Variants in PREX2 observed in about 807,000 individuals in gnomAD.
PREX2 encodes phosphatidylinositol-3,4,5-trisphosphate dependent Rac exchange factor 2, also known as phosphatidylinositol 3,4,5-trisphosphate-dependent Rac exchanger 2 protein.
In PREX2, 107 loss-of-function variants were observed where a neutral mutation model predicts 203.2. The ratio of observed to expected loss-of-function variants is 0.53; its 90% CI spans 0.45 to 0.62. PREX2 has a LOEUF of 0.62. Among genes scored for constraint, PREX2 ranks in the 20% least tolerant of loss-of-function variants. The pLI is 0.00. For synonymous variants in PREX2, 672 were observed against 663.6 expected (o/e 1.01, Z -0.19); for missense variants, 1,777 against 1,955.9 (o/e 0.91, Z 1.72).
intron 1 of PREX2, among the ~76,000 whole-genome samples, chr8:67,970,139 G>T (rs191213741): frequency 1.4e-4 from 21 of 152,194 alleles, no homozygotes; most frequent in Non-Finnish European, 2.4e-4. Flanking sequence ...AAGTTGTTTT[G>T]TTTATTGACC....
chr8:68,195,079 T>A (rs1242586513), intron 37 of PREX2, among the ~76,000 whole-genome samples: 1 of 152,164 alleles, frequency 6.6e-6, no homozygotes, highest in Non-Finnish European at 1.5e-5. Context: ...TACTCTTAAC[T>A]CCACATTAAT....
chr8:68,018,593 C>T (rs894033199), intron 2 of PREX2, among the ~76,000 whole-genome samples: 8 of 152,050 alleles, frequency 5.3e-5, no homozygotes, highest in East Asian at 3.9e-4. Context: ...TGTGGGCAAA[C>T]GTGACTTCCA....
intron 11 of PREX2, among the ~76,000 whole-genome samples, chr8:68,063,295 G>T (rs1443642293): frequency 6.6e-6 from 1 of 152,138 alleles, no homozygotes; most frequent in African/African-American, 2.4e-5. Context: ...TTTTTCGTGG[G>T]TGTGCATACA....
In PREX2 at chr8:68,109,699, A is replaced by G. The variant is rs564263207; in HGVS notation, c.3146+76A>G. 32 of 1,209,086 alleles carry G rather than the reference A, an allele frequency of 2.6e-5. 1 individual carries two copies. In the African/African-American group the frequency reaches 4.4e-4, roughly 16 times the overall value. 74.9% of individuals were successfully genotyped at this position (1,209,086 alleles called of 1,614,324 possible). ...AAATGTGGCTTAGAAAAATTCAATC[A>G]TTCTCTCTTTAGTTATTGGAAATTT... On this transcript the variant is annotated intron_variant, in intron 25 of 39. Coordinates refer to ENST00000288368, the MANE Select transcript of PREX2 (RefSeq NM_024870.4).
At chr8:68,113,420 G>A (rs1810575102) in intron 25 of PREX2, among the ~76,000 whole-genome samples, 1 of 152,182 alleles carries the variant, frequency 6.6e-6, no homozygotes, top group Non-Finnish European at 1.5e-5. Flanking sequence ...TGTGCAGCAT[G>A]GAGCTTGGAT....
At chr8:68,056,021 G>A (rs1808668522) in intron 10 of PREX2, 47 bp downstream of exon 10, 3 of 1,538,314 alleles carry the variant, frequency 2.0e-6, no homozygotes, top group Non-Finnish European at 2.6e-6. Flanking sequence ...CATTCTCATT[G>A]TCTCACCTGT....
chr8:67,966,904 T>A (rs537233125), intron 1 of PREX2, among the ~76,000 whole-genome samples: 20 of 152,318 alleles, frequency 1.3e-4, no homozygotes, highest in African/African-American at 4.3e-4. Flanking sequence ...TACAAATTCC[T>A]GCTTTCATGG....
intron 1 of PREX2, among the ~76,000 whole-genome samples, chr8:67,983,578 A>G (rs772291367): frequency 2.0e-5 from 3 of 152,238 alleles, no homozygotes; most frequent in Non-Finnish European, 4.4e-5. Context: ...AGTTCCAAGC[A>G]GTTAAGCTGC....
intron 35 of PREX2, among the ~76,000 whole-genome samples, chr8:68,159,474 A>G (rs956154510): frequency 6.6e-6 from 1 of 152,296 alleles, no homozygotes; most frequent in Non-Finnish European, 1.5e-5. Flanking sequence ...AGGCCAGCCA[A>G]TCCAAGGATT....
intron 22 of PREX2, among the ~76,000 whole-genome samples, chr8:68,099,094 A>C (rs1181063994): frequency 6.6e-6 from 1 of 151,634 alleles, no homozygotes; most frequent in Admixed American, 6.6e-5. Flanking sequence ...CTAATTGAAA[A>C]CATCACATAA....
chr8:68,039,085 T>A (rs1436145291), intron 7 of PREX2, among the ~76,000 whole-genome samples: 1 of 152,216 alleles, frequency 6.6e-6, no homozygotes, highest in African/African-American at 2.4e-5. Flanking sequence ...GTCGAAGATC[T>A]CTTATCTCAA....
At chr8:68,196,934 G>A (rs980707432) in intron 37 of PREX2, among the ~76,000 whole-genome samples, 4 of 151,912 alleles carry the variant, frequency 2.6e-5, no homozygotes, top group African/African-American at 7.3e-5. Flanking sequence ...GTGCAAGAAC[G>A]GACTAACACA....
chr8:68,216,897 G>C (rs1812851076), intron 37 of PREX2, among the ~76,000 whole-genome samples: 1 of 151,492 alleles, frequency 6.6e-6, no homozygotes, highest in East Asian at 1.9e-4. Context: ...GGGAGGCAGA[G>C]GTTGCAGTGA....
intron 29 of PREX2, 115 bp downstream of exon 29, chr8:68,120,401 A>G (rs925057544): frequency 2.5e-5 from 17 of 688,584 alleles, no homozygotes; most frequent in South Asian, 7.1e-5. Flanking sequence ...CTCATGTTTC[A>G]TAATTCACCA....
intron 14 of PREX2, among the ~76,000 whole-genome samples, chr8:68,072,898 T>TAA (rs1442887687): frequency 3.3e-5 from 5 of 152,158 alleles, no homozygotes; most frequent in Non-Finnish European, 5.9e-5. Flanking sequence ...CACTTTGTTT[T>TAA]AAAGTATCTG....
intron 1 of PREX2, among the ~76,000 whole-genome samples, chr8:67,991,215 C>T (rs1448229971): frequency 6.6e-6 from 1 of 152,136 alleles, no homozygotes; most frequent in East Asian, 1.9e-4. Context: ...AAAGAATACA[C>T]CCAAGCTCAT....
intron 7 of PREX2, among the ~76,000 whole-genome samples, chr8:68,042,583 G>A (rs184445824): frequency 1.6e-4 from 24 of 152,102 alleles, no homozygotes; most frequent in Admixed American, 1.6e-3. Context: ...GGGTTGTCCT[G>A]AATTTTTCTA....
intron 3 of PREX2, among the ~76,000 whole-genome samples, chr8:68,020,639 G>A (rs1029585779): frequency 2.6e-5 from 4 of 152,132 alleles, no homozygotes. Context: ...AGTCTCATTG[G>A]GTATAGGAAG....
intron 35 of PREX2, among the ~76,000 whole-genome samples, chr8:68,175,043 G>C (rs141186839): frequency 6.6e-6 from 1 of 152,190 alleles, no homozygotes; most frequent in Non-Finnish European, 1.5e-5. Context: ...AAACCAACAG[G>C]TTATTTTGAA....
Sources: allele counts gnomAD v4.1 joint callset (sites outside exome capture counted in the v4.1 genomes callset), GRCh38; gene constraint gnomAD v4.1.1; transcripts MANE v1.5; gene names NCBI Gene and HGNC (gene_info 2026-07-23, HGNC 2026-07-21).